SLC25A21: variants seen among roughly 807,000 people sequenced by gnomAD.
The protein encoded by SLC25A21 is mitochondrial 2-oxodicarboxylate carrier.
In SLC25A21, 47 loss-of-function variants were observed where a neutral mutation model predicts 43.8. The ratio of observed to expected loss-of-function variants is 1.07; its 90% CI spans 0.85 to 1.37. The LOEUF is 1.37. SLC25A21 is among the 40% of genes most tolerant of loss of function. SLC25A21 has a pLI of 0.00. For missense variants in SLC25A21, 352 were observed against 350.2 expected (o/e 1.00, Z -0.04); for synonymous variants, 131 against 121.3 (o/e 1.08, Z -0.52).
intron 1 of SLC25A21, among the ~76,000 whole-genome samples, chr14:37,116,530 T>C (rs909592252): frequency 4.6e-5 from 7 of 152,190 alleles, no homozygotes; most frequent in African/African-American, 1.7e-4. Context: ...ATAGCTATGT[T>C]CTCATTTTCA....
At chr14:36,783,010 A>C (rs1887125244) in intron 3 of SLC25A21, among the ~76,000 whole-genome samples, 1 of 151,224 alleles carries the variant, frequency 6.6e-6, no homozygotes, top group South Asian at 2.1e-4. Flanking sequence ...TAAAAATAAA[A>C]AATAAAAAAA....
chr14:36,768,235 A>G (rs972094178), intron 3 of SLC25A21, among the ~76,000 whole-genome samples: 1 of 152,306 alleles, frequency 6.6e-6, no homozygotes, highest in South Asian at 2.1e-4. Context: ...GGGTGGAAGA[A>G]GGGAGCCAGG....
chr14:36,902,359 T>C (rs958553019), intron 1 of SLC25A21, among the ~76,000 whole-genome samples: 5 of 152,134 alleles, frequency 3.3e-5, no homozygotes, highest in African/African-American at 1.2e-4. Context: ...CAAAGATGAC[T>C]ATTCAGCCTG....
intron 2 of SLC25A21, among the ~76,000 whole-genome samples, chr14:36,856,256 G>A (rs1341142271): frequency 2.0e-5 from 3 of 152,134 alleles, no homozygotes; most frequent in African/African-American, 4.8e-5. Context: ...GGAAGTAGGC[G>A]CTTTATGACC....
chr14:37,013,726 G>A (rs541910213), intron 1 of SLC25A21, among the ~76,000 whole-genome samples: 15 of 151,922 alleles, frequency 9.9e-5, no homozygotes, highest in Non-Finnish European at 2.2e-4. Context: ...TGGTGAGTAG[G>A]CCAGCGTTTA....
intron 1 of SLC25A21, among the ~76,000 whole-genome samples, chr14:36,947,762 C>T (rs1428437110): frequency 3.3e-5 from 5 of 152,064 alleles, no homozygotes; most frequent in African/African-American, 1.2e-4. Context: ...TATATTAAAC[C>T]ATATGTATCT....
chr14:36,950,383 T>C (rs987591565), intron 1 of SLC25A21, among the ~76,000 whole-genome samples: 22 of 152,096 alleles, frequency 1.4e-4, no homozygotes, highest in Non-Finnish European at 8.8e-5. Flanking sequence ...CTTCATCCAA[T>C]AGGACTAATA....
rs139287038 is a variant in SLC25A21, at chr14:37,005,476, A to G, written c.71-130472T>C. 2.1e-3 allele frequency among the ~76,000 whole-genome samples: 327 copies of G among 152,358 alleles called. 2 individuals are homozygous for G. Among genetic ancestry groups the G allele is most frequent in the African/African-American group, 7.2e-3 (298 of 41,582 alleles). The stretch of plus-strand genomic sequence containing the variant: ...TGCTATAATTGGACAGTACAAAGAT[A>G]TACAATTTTTTTCTTTTTTAGAAAA... On this transcript the variant is annotated intron_variant, in intron 1 of 9. Coordinates refer to ENST00000331299, the MANE Select transcript of SLC25A21 (RefSeq NM_030631.4).
At chr14:36,734,664 T>TTATTCAACA (rs775804857) in intron 3 of SLC25A21, 91 bp from the exon 4 acceptor site, 301 of 917,238 alleles carry the variant, frequency 3.3e-4, no homozygotes, top group Admixed American at 5.0e-4. Flanking sequence ...GTATTCCCGA[T>TTATTCAACA]TATTCAACAT....
At chr14:37,128,825 G>A (rs1963344025) in intron 1 of SLC25A21, among the ~76,000 whole-genome samples, 1 of 152,044 alleles carries the variant, frequency 6.6e-6, no homozygotes, top group Admixed American at 6.6e-5. Flanking sequence ...CTGAGCTCAA[G>A]CGATCTGCTA....
intron 1 of SLC25A21, among the ~76,000 whole-genome samples, chr14:37,024,145 A>T (rs1200757568): frequency 6.6e-6 from 1 of 152,080 alleles, no homozygotes; most frequent in East Asian, 1.9e-4. Context: ...TGCCTAACTG[A>T]ACTAATCCAT....
chr14:36,742,613 C>A (rs2139243200), intron 3 of SLC25A21, among the ~76,000 whole-genome samples: 1 of 152,210 alleles, frequency 6.6e-6, no homozygotes, highest in African/African-American at 2.4e-5. Flanking sequence ...AACCACATAT[C>A]TTTTAGAGGG....
At chr14:37,046,105 A>G (rs1198837417) in intron 1 of SLC25A21, among the ~76,000 whole-genome samples, 2 of 152,210 alleles carry the variant, frequency 1.3e-5, no homozygotes, top group Non-Finnish European at 2.9e-5. Flanking sequence ...AAAGAAGTTG[A>G]GCAACTTGCC....
intron 2 of SLC25A21, among the ~76,000 whole-genome samples, chr14:36,819,824 C>T (rs1190750888): frequency 6.6e-6 from 1 of 151,876 alleles, no homozygotes; most frequent in Non-Finnish European, 1.5e-5. Flanking sequence ...GTGGTTTTGG[C>T]CATTACTTTT....
chr14:36,967,708 C>T (rs536052871), intron 1 of SLC25A21, among the ~76,000 whole-genome samples: 1 of 152,296 alleles, frequency 6.6e-6, no homozygotes, highest in South Asian at 2.1e-4. Flanking sequence ...CCAGCAGTAA[C>T]AAATGTGCAT....
intron 1 of SLC25A21, among the ~76,000 whole-genome samples, chr14:37,138,200 T>C (rs968781239): frequency 1.3e-5 from 2 of 152,104 alleles, no homozygotes; most frequent in East Asian, 1.9e-4. Flanking sequence ...TCAAGAAATA[T>C]GATCCCATTT....
In SLC25A21 at chr14:36,678,581, T is replaced by TGTCA; in HGVS notation, c.*2073_*2076dup. 1.3e-6 allele frequency: 2 copies of TGTCA among 1,517,234 alleles called. No individual in the cohort carries two copies. The highest frequency in any genetic ancestry group is 1.8e-6 in the Non-Finnish European group (2 of 1,137,634). The allele number at this position is 1,517,234 out of a possible 1,614,324, so 94.0% of individuals were successfully genotyped here. On this transcript the variant is annotated 3_prime_UTR_variant, in exon 10 of 10. Transcript: ENST00000331299. ...AAACCATACCATACAGGGACTCTCC[T>TGTCA]GTCATCTGAAAAACTGATGTAAGGT...
intron 3 of SLC25A21, among the ~76,000 whole-genome samples, chr14:36,739,396 G>A (rs780678906): frequency 2.6e-5 from 4 of 151,412 alleles, no homozygotes; most frequent in Non-Finnish European, 5.9e-5. Flanking sequence ...CACACCAGGA[G>A]GCTAGGCACA....
chr14:36,996,050 G>T (rs1419277771), intron 1 of SLC25A21, among the ~76,000 whole-genome samples: 1 of 152,074 alleles, frequency 6.6e-6, no homozygotes, highest in East Asian at 1.9e-4. Context: ...TCCAACCTGG[G>T]TCTCCAAAGT....
Sources: allele counts gnomAD v4.1 joint callset (sites outside exome capture counted in the v4.1 genomes callset), GRCh38; gene constraint gnomAD v4.1.1; transcripts MANE v1.5; gene names NCBI Gene and HGNC (gene_info 2026-07-23, HGNC 2026-07-21).